The following LAMP3 variants were observed in gnomAD, a reference collection of about 807,000 sequenced individuals.
LAMP3 encodes the protein lysosome-associated membrane glycoprotein 3.
Under a neutral mutation model 34.8 loss-of-function variants are expected in LAMP3, and 26 were observed. The observed-to-expected ratio is 0.75, with a 90% CI of 0.55 to 1.04. The LOEUF (loss-of-function observed/expected upper bound fraction) is 1.04. LAMP3 is among the 50% of genes least tolerant of loss of function. The pLI is 0.00. For synonymous variants in LAMP3, 180 were observed against 201.9 expected (o/e 0.89, Z 0.92); for missense variants, 495 against 524.0 (o/e 0.94, Z 0.54).
At chr3:183,137,504 AC>A (rs1156357725) in intron 4 of LAMP3, among the ~76,000 whole-genome samples, 3 of 152,138 alleles carry the variant, frequency 2.0e-5, no homozygotes, top group African/African-American at 4.8e-5. Flanking sequence ...GAATAGTCCC[AC>A]GATGAATTAA....
intron 5 of LAMP3, among the ~76,000 whole-genome samples, chr3:183,126,542 G>A (rs1358684029): frequency 1.3e-5 from 2 of 151,342 alleles, no homozygotes; most frequent in African/African-American, 4.9e-5. Flanking sequence ...GAATGTGTGT[G>A]TGTGTGTGTG....
chr3:183,142,644 A>C (rs1002822986), intron 3 of LAMP3, among the ~76,000 whole-genome samples: 1 of 152,070 alleles, frequency 6.6e-6, no homozygotes, highest in East Asian at 1.9e-4. Flanking sequence ...CCTGCCCTAC[A>C]TTTTCCTCCA....
intron 1 of LAMP3, among the ~76,000 whole-genome samples, chr3:183,158,814 C>T (rs1720894131): frequency 6.6e-6 from 1 of 152,034 alleles, no homozygotes; most frequent in South Asian, 2.1e-4. Flanking sequence ...GGGGGTAGGT[C>T]TTTGTTCTCA....
At chr3:183,147,789 A>G (rs2108607358) in intron 3 of LAMP3, among the ~76,000 whole-genome samples, 1 of 152,254 alleles carries the variant, frequency 6.6e-6, no homozygotes, top group East Asian at 1.9e-4. Context: ...ATCATAGCTC[A>G]TTGCAGCCTT....
chr3:183,155,659 C>T (rs1720801788), intron 1 of LAMP3, among the ~76,000 whole-genome samples: 1 of 152,160 alleles, frequency 6.6e-6, no homozygotes, highest in African/African-American at 2.4e-5. Context: ...TATGTACCAG[C>T]CAAATATTTT....
At position 183,143,481 on chromosome 3, in the gene LAMP3, A is replaced by C. The variant is rs574390164; in HGVS notation, c.889-2886T>G. On this transcript the variant is annotated intron_variant, in intron 3 of 5. Coordinates refer to ENST00000265598, the MANE Select transcript of LAMP3 (RefSeq NM_014398.4). The stretch of plus-strand genomic sequence containing the variant: ...AGTATCTGTTAGGTGGATTCATGTA[A>C]ACAAAAGGACAGGGGGATATTTAGT... Among the ~76,000 whole-genome samples, 4 of 152,306 alleles carry C rather than the reference A, an allele frequency of 2.6e-5. No homozygotes were observed. In the South Asian group the frequency reaches 8.3e-4, roughly 32 times the overall value.
chr3:183,150,928 C>T (rs952263034), intron 3 of LAMP3, among the ~76,000 whole-genome samples: 11 of 152,072 alleles, frequency 7.2e-5, no homozygotes, highest in African/African-American at 2.4e-4. Context: ...TTTTGTGTGA[C>T]GGTTGACATA....
chr3:183,131,580 T>TTA (rs1719921316), intron 5 of LAMP3, among the ~76,000 whole-genome samples: 1 of 152,176 alleles, frequency 6.6e-6, no homozygotes, highest in Non-Finnish European at 1.5e-5. Flanking sequence ...TCAGGGGCTC[T>TTA]TAGTGCTCTT....
intron 3 of LAMP3, among the ~76,000 whole-genome samples, chr3:183,144,049 C>A (rs1475745962): frequency 6.6e-6 from 1 of 152,202 alleles, no homozygotes; most frequent in East Asian, 1.9e-4. Flanking sequence ...TTCTGCAAAA[C>A]ACACCGTGGA....
chr3:183,142,059 G>A (rs1288923487), intron 3 of LAMP3, among the ~76,000 whole-genome samples: 1 of 152,208 alleles, frequency 6.6e-6, no homozygotes, highest in Admixed American at 6.5e-5. Context: ...GTTGAACAAT[G>A]CCTTTAGACA....
At chr3:183,125,399 G>T (rs1356829528) in intron 5 of LAMP3, among the ~76,000 whole-genome samples, 2 of 152,154 alleles carry the variant, frequency 1.3e-5, no homozygotes, top group Non-Finnish European at 2.9e-5. Flanking sequence ...CCAGGAAAAA[G>T]AAAATTTGGA....
Position 183,153,827 on chromosome 3 carries a change from G to A in LAMP3, c.614C>T (p.Ala205Val), listed in dbSNP as rs1379561219. 1.2e-6 allele frequency: 2 copies of A among 1,603,972 alleles called. No homozygotes were observed. Among genetic ancestry groups the A allele is most frequent in the African/African-American group, 2.7e-5 (2 of 74,868 alleles). ...TAAAHNTTRTAAPASTVPGPT... is the reference protein window; with the variant it reads ...TAAAHNTTRTVAPASTVPGPT... ...CCCAGGAACCGTGGAGGCAGGTGCAGCTGTGCGGGTGGTATTGTGGGCAGC... is the reference window on the plus strand; with the variant it reads ...CCCAGGAACCGTGGAGGCAGGTGCAACTGTGCGGGTGGTATTGTGGGCAGC... The change falls in exon 2 of 6, where the codon GCT (alanine) becomes GTT (valine). Residue 205 changes from alanine (A) to valine (V), a missense_variant. Ala to Val is a moderately conservative substitution (Grantham distance 64). Coordinates refer to ENST00000265598, the MANE Select transcript of LAMP3 (RefSeq NM_014398.4).
chr3:183,126,034 A>C (rs1266567843), intron 5 of LAMP3, among the ~76,000 whole-genome samples: 1 of 152,228 alleles, frequency 6.6e-6, no homozygotes, highest in Non-Finnish European at 1.5e-5. Context: ...AAAAAATACA[A>C]AAAGTTAAAA....
At chr3:183,132,518 C>A (rs1576870454) in intron 5 of LAMP3, 11 of 985,356 alleles carry the variant, frequency 1.1e-5, no homozygotes, top group Non-Finnish European at 1.3e-5. Flanking sequence ...TCCCTTCTCA[C>A]AAGCACCCCA....
chr3:183,131,785 A>T (rs1719931802), intron 5 of LAMP3: 1 of 393,786 alleles, frequency 2.5e-6, no homozygotes, highest in African/African-American at 2.2e-5. Context: ...ACTTCCAGTC[A>T]GTAGAATCAA....
chr3:183,160,651 C>A (rs1011144551), intron 1 of LAMP3, among the ~76,000 whole-genome samples: 3 of 152,122 alleles, frequency 2.0e-5, no homozygotes, highest in Admixed American at 6.5e-5. Context: ...AAGAATAGCA[C>A]CTACTTTTCA....
chr3:183,149,337 C>T (rs902957358), intron 3 of LAMP3, among the ~76,000 whole-genome samples: 8 of 151,396 alleles, frequency 5.3e-5, no homozygotes, highest in Non-Finnish European at 7.4e-5. Context: ...GTCAAGAGAT[C>T]GAGACCATCC....
At chr3:183,162,848 G>A, upstream of LAMP3, 1 of 542,666 alleles carries the variant, frequency 1.8e-6, no homozygotes, top group Non-Finnish European at 3.1e-6. Context: ...AGCAGGGAGG[G>A]GCGGGGACTC....
At chr3:183,140,145 G>A (rs1033428956) in intron 4 of LAMP3, among the ~76,000 whole-genome samples, 19 of 152,100 alleles carry the variant, frequency 1.2e-4, no homozygotes, top group African/African-American at 3.6e-4. Context: ...AGTGGCTCAC[G>A]CCTGTAATCC....
Sources: gnomAD v4.1 joint callset for allele counts (sites outside exome capture counted in the v4.1 genomes callset) on GRCh38, gnomAD v4.1.1 for gene constraint, MANE v1.5 for transcripts, NCBI Gene and HGNC (gene_info 2026-07-23, HGNC 2026-07-21) for gene names.